Variants in NEURL1 observed in about 807,000 individuals in gnomAD.
NEURL1 encodes the protein E3 ubiquitin-protein ligase NEURL1.
A neutral mutation model predicts 41.2 loss-of-function variants in NEURL1; 26 were observed. That is an observed-to-expected ratio of 0.63 (90% CI 0.46 to 0.87). The LOEUF is 0.87. Among genes scored for constraint, NEURL1 ranks in the 40% least tolerant of loss-of-function variants. NEURL1 has a pLI of 0.00. For synonymous variants in NEURL1, 400 were observed against 402.3 expected, an observed-to-expected ratio of 0.99 and a Z score of 0.07; for missense variants, 761 against 871.1, an observed-to-expected ratio of 0.87 and a Z score of 1.59.
intron 1 of NEURL1, among the ~76,000 whole-genome samples, chr10:103,520,264 T>C (rs1169593765): frequency 6.6e-6 from 1 of 152,196 alleles, no homozygotes; most frequent in Non-Finnish European, 1.5e-5. Flanking sequence ...GCAATAAAGC[T>C]GTATATTTCA....
chr10:103,513,549 C>T (rs1029336208), intron 1 of NEURL1, among the ~76,000 whole-genome samples: 3 of 152,358 alleles, frequency 2.0e-5, no homozygotes, highest in Non-Finnish European at 2.9e-5. Flanking sequence ...CCGCGAGCCA[C>T]GCCTAGTGCC....
chr10:103,520,005 C>A (rs1401110660), intron 1 of NEURL1, among the ~76,000 whole-genome samples: 1 of 151,998 alleles, frequency 6.6e-6, no homozygotes, highest in African/African-American at 2.4e-5. Flanking sequence ...GCTGGTCTCA[C>A]ACTCCTAGCC....
intron 5 of NEURL1, 59 bp from the exon 6 acceptor site, chr10:103,590,075 G>T: frequency 1.9e-6 from 3 of 1,540,908 alleles, no homozygotes; most frequent in Admixed American, 1.7e-5. Context: ...CTCTCTTCCC[G>T]TGAATCCAGC....
At chr10:103,516,159 T>A (rs1592188443) in intron 1 of NEURL1, among the ~76,000 whole-genome samples, 1 of 130,530 alleles carries the variant, frequency 7.7e-6, no homozygotes. Context: ...GCCTGGGAGG[T>A]GAAGGTTGCA....
intron 1 of NEURL1, among the ~76,000 whole-genome samples, chr10:103,559,558 C>A (rs746401711): frequency 6.6e-6 from 1 of 151,508 alleles, no homozygotes; most frequent in African/African-American, 2.4e-5. Context: ...GAAGGGAAGG[C>A]GGAGCAGGTG....
At chr10:103,520,759 T>G (rs997088873) in intron 1 of NEURL1, among the ~76,000 whole-genome samples, 1 of 152,230 alleles carries the variant, frequency 6.6e-6, no homozygotes, top group African/African-American at 2.4e-5. Flanking sequence ...CAGGGCTGCT[T>G]CCAGCGGGAT....
In NEURL1 at chr10:103,516,729, T is replaced by C. The variant is rs1379261960; in HGVS notation, c.85+22257T>C. Among the ~76,000 whole-genome samples, 3 of 152,138 alleles carry C rather than the reference T, an allele frequency of 2.0e-5. No individual in the cohort carries two copies. In the East Asian group the frequency reaches 5.8e-4, roughly 29 times the overall value. ...CAGTGGTTCTCTAAGGGCCTACGAA[T>C]TGCCTGGAGAGCTTGGAAAAATGTA... On this transcript the variant is annotated intron_variant, in intron 1 of 5. Coordinates refer to ENST00000369780, the MANE Select transcript of NEURL1 (RefSeq NM_004210.5).
intron 1 of NEURL1, among the ~76,000 whole-genome samples, chr10:103,547,794 C>G (rs1178912173): frequency 6.6e-6 from 1 of 151,622 alleles, no homozygotes; most frequent in East Asian, 1.9e-4. Context: ...CTGTTATCAG[C>G]TGCCAGCTTT....
intron 1 of NEURL1, among the ~76,000 whole-genome samples, chr10:103,497,318 C>A (rs560739143): frequency 6.6e-6 from 1 of 152,174 alleles, no homozygotes; most frequent in Admixed American, 6.5e-5. Flanking sequence ...AACTGCCTAG[C>A]CAGAGTTCTG....
chr10:103,568,942 G>A (rs1260046473), intron 1 of NEURL1, among the ~76,000 whole-genome samples: 4 of 152,224 alleles, frequency 2.6e-5, no homozygotes, highest in Admixed American at 2.6e-4. Context: ...AGCCTCCCGA[G>A]TAGCTGGGAC....
At chr10:103,498,381 C>T (rs372298054) in intron 1 of NEURL1, among the ~76,000 whole-genome samples, 67 of 152,300 alleles carry the variant, frequency 4.4e-4, no homozygotes, top group African/African-American at 9.6e-4. Context: ...CGCCCGCCAC[C>T]GCGCCCGGCT....
At position 103,505,220 on chromosome 10, in the gene NEURL1, AT is replaced by A. The variant is rs34595199; in HGVS notation, c.85+10767del. Among the ~76,000 whole-genome samples the A allele has an allele frequency of 4.2e-3, 536 of 128,634 alleles. 1 individual carries two copies. Among genetic ancestry groups the A allele is most frequent in the Admixed American group, 9.9e-3 (122 of 12,380 alleles). The allele number at this position is 128,634 out of a possible 152,430, so 84.4% of individuals were successfully genotyped here. A position where few individuals can be genotyped will look rare whatever the true frequency, so the allele number is the denominator to read the frequency against. ...AGGCACACAATACCAAGCCCAGCTA[AT>A]TTTTTTTTTTTTTTTTTTGGTAGAC... On this transcript the variant is annotated intron_variant, in intron 1 of 5. Transcript: ENST00000369780.
Position 103,592,530 on chromosome 10 carries a change from A to G in NEURL1, c.*2158A>G, listed in dbSNP as rs2036074981. On this transcript the variant is annotated 3_prime_UTR_variant, in exon 6 of 6. Coordinates refer to ENST00000369780, the MANE Select transcript of NEURL1 (RefSeq NM_004210.5). The surrounding 1 kb of genome is among the most constrained non-coding windows in gnomAD (Gnocchi z 4.8). ...ACTTGGGTCGCTGTGATTGTGAATA[A>G]AAGTGATTTCGTACCAGCCTGAGGG... 6.5e-6 allele frequency: 1 copy of G among 152,738 alleles called. No homozygotes were observed. Among genetic ancestry groups the G allele is most frequent in the African/African-American group, 2.4e-5 (1 of 41,438 alleles). The allele number at this position is 152,738 out of a possible 1,614,324, so 9.5% of individuals were successfully genotyped here.
chr10:103,501,749 C>A (rs1254997118), intron 1 of NEURL1, among the ~76,000 whole-genome samples: 1 of 151,998 alleles, frequency 6.6e-6, no homozygotes, highest in Non-Finnish European at 1.5e-5. Flanking sequence ...TCTCCTGCCC[C>A]AGCCTCCTGA....
At chr10:103,573,819 C>T (rs549111440) in intron 3 of NEURL1, among the ~76,000 whole-genome samples, 1 of 152,290 alleles carries the variant, frequency 6.6e-6, no homozygotes, top group East Asian at 1.9e-4. Context: ...CCTCACAGTC[C>T]CCACTCTGGC....
chr10:103,500,837 G>C (rs1006666514), intron 1 of NEURL1, among the ~76,000 whole-genome samples: 1 of 152,206 alleles, frequency 6.6e-6, no homozygotes, highest in East Asian at 1.9e-4. Flanking sequence ...AGAATATATT[G>C]GGGATGGGAC....
intron 1 of NEURL1, among the ~76,000 whole-genome samples, chr10:103,533,174 G>A (rs528133290): frequency 1.4e-4 from 22 of 151,796 alleles, no homozygotes; most frequent in South Asian, 4.2e-4. Flanking sequence ...TGATCCACCC[G>A]CCTTGGCCTC....
At chr10:103,521,694 C>A (rs2034352179) in intron 1 of NEURL1, among the ~76,000 whole-genome samples, 1 of 152,116 alleles carries the variant, frequency 6.6e-6, no homozygotes, top group Non-Finnish European at 1.5e-5. Context: ...GGTCCAAGAA[C>A]CATTTGCCTT....
chr10:103,561,140 G>A (rs571560460), intron 1 of NEURL1, among the ~76,000 whole-genome samples: 8 of 152,332 alleles, frequency 5.3e-5, no homozygotes, highest in African/African-American at 1.7e-4. Context: ...GCCCCACACC[G>A]TGGCAGCTGG....
Sources: allele counts gnomAD v4.1 joint callset (sites outside exome capture counted in the v4.1 genomes callset), GRCh38; gene constraint gnomAD v4.1.1; non-coding constraint Gnocchi (gnomAD v3.1); transcripts MANE v1.5; gene names NCBI Gene and HGNC (gene_info 2026-07-23, HGNC 2026-07-21).